ATXN1: variants seen among roughly 807,000 people sequenced by gnomAD.
The protein encoded by ATXN1 is ataxin 1, also known as ataxin-1.
In ATXN1, 8 loss-of-function variants were observed where a neutral mutation model predicts 56.4. The ratio of observed to expected loss-of-function variants is 0.14; its 90% CI spans 0.08 to 0.26. The LOEUF is 0.26. ATXN1 is among the 10% of genes least tolerant of loss of function. ATXN1 has a pLI of 1.00. For missense variants in ATXN1, 987 were observed against 1,106.5 expected (o/e 0.89, Z 1.53); for synonymous variants, 514 against 494.6 (o/e 1.04, Z -0.52).
intron 6 of ATXN1, among the ~76,000 whole-genome samples, chr6:16,412,219 A>C (rs1047380177): frequency 2.6e-5 from 4 of 152,242 alleles, no homozygotes; most frequent in East Asian, 1.9e-4. Context: ...GCATGTTTTT[A>C]GGGATTCAGT....
intron 5 of ATXN1, among the ~76,000 whole-genome samples, chr6:16,495,693 T>A (rs1203275910): frequency 6.6e-5 from 10 of 152,138 alleles, no homozygotes; most frequent in African/African-American, 2.2e-4. Flanking sequence ...TGAAACCCTG[T>A]CTCTACTAAA....
chr6:16,564,035 A>C (rs59536682), intron 4 of ATXN1, among the ~76,000 whole-genome samples: 1,859 of 152,330 alleles, frequency 0.012, 44 homozygotes, highest in African/African-American at 0.042. Context: ...CTTGCTGAGT[A>C]AACAGGATGT....
rs2113373385 is a variant in ATXN1 at position 16,306,613 on chromosome 6, T to A, written c.2164A>T (p.Arg722Trp). The A allele has an allele frequency of 6.2e-7, 1 of 1,614,242 alleles. No individual in the cohort carries two copies. Among genetic ancestry groups the A allele is most frequent in the African/African-American group, 1.3e-5 (1 of 75,064 alleles). ...ATTCCGTTTTCCTGCTCGGCATACC[T>A]GTGTCTGCTGCCCGCCAGGCCGTCG... is the stretch of plus-strand genomic sequence containing the variant. ...KADGLAGSRH[R>W]YAEQENGINQ... The change falls in exon 8 of 8, where the codon AGG (arginine) becomes TGG (tryptophan). Residue 722 changes from arginine (R) to tryptophan (W), a missense_variant. Physicochemically the swap from Arg to Trp is moderately radical, Grantham distance 101. Around this residue, in one of 3 missense-constraint regions of ATXN1, gnomAD observed 196 missense variants for 196.7 expected, o/e 1.00. Transcript: ENST00000436367. This position sits in a 1 kb window ranked among gnomAD's most constrained non-coding sequence, Gnocchi z 5.2.
intron 6 of ATXN1, among the ~76,000 whole-genome samples, chr6:16,337,394 G>A (rs1249160224): frequency 6.6e-6 from 1 of 152,210 alleles, no homozygotes; most frequent in Non-Finnish European, 1.5e-5. Context: ...AGGAGGAGGG[G>A]CGGGGCCACA....
intron 6 of ATXN1, among the ~76,000 whole-genome samples, chr6:16,330,963 A>T (rs1278220086): frequency 6.6e-6 from 1 of 152,124 alleles, no homozygotes; most frequent in Non-Finnish European, 1.5e-5. Flanking sequence ...GAAGAAATGA[A>T]GTGTTGAAGG....
intron 6 of ATXN1, among the ~76,000 whole-genome samples, chr6:16,343,590 T>C (rs1194643024): frequency 6.6e-6 from 1 of 152,134 alleles, no homozygotes; most frequent in East Asian, 1.9e-4. Context: ...GGCAGCAGTA[T>C]CTTAGTGTCA....
chr6:16,420,658 C>A (rs1759013098), intron 6 of ATXN1, among the ~76,000 whole-genome samples: 1 of 152,194 alleles, frequency 6.6e-6, no homozygotes, highest in South Asian at 2.1e-4. Context: ...CAACTCCTTA[C>A]TTTCAAATCT....
intron 3 of ATXN1, among the ~76,000 whole-genome samples, chr6:16,593,874 T>C (rs1226770380): frequency 6.8e-6 from 1 of 147,870 alleles, no homozygotes; most frequent in Non-Finnish European, 1.5e-5. Context: ...TATATATATA[T>C]ATATATAAAG....
chr6:16,315,784 G>A (rs967522172), intron 7 of ATXN1, among the ~76,000 whole-genome samples: 3 of 152,054 alleles, frequency 2.0e-5, no homozygotes, highest in Admixed American at 6.5e-5. Context: ...TGCCTCAGCC[G>A]CCTGAGTAGT....
At chr6:16,582,656 G>C (rs1319621895) in intron 4 of ATXN1, among the ~76,000 whole-genome samples, 2 of 152,166 alleles carry the variant, frequency 1.3e-5, no homozygotes, top group Non-Finnish European at 1.5e-5. Context: ...AAAAACTGCT[G>C]ACCACAGATC....
chr6:16,539,055 C>CT (rs1761661931), intron 4 of ATXN1, among the ~76,000 whole-genome samples: 1 of 152,204 alleles, frequency 6.6e-6, no homozygotes, highest in Non-Finnish European at 1.5e-5. Context: ...CCAACCCACT[C>CT]TAAGTCTGTT....
At chr6:16,574,963 A>G (rs1391305121) in intron 4 of ATXN1, among the ~76,000 whole-genome samples, 1 of 150,390 alleles carries the variant, frequency 6.6e-6, no homozygotes, top group Non-Finnish European at 1.5e-5. Flanking sequence ...GGGGTCAGTT[A>G]TTTTTTCGAA....
At chr6:16,673,667 A>C (rs1006843601) in intron 2 of ATXN1, among the ~76,000 whole-genome samples, 1 of 152,118 alleles carries the variant, frequency 6.6e-6, no homozygotes, top group Non-Finnish European at 1.5e-5. Context: ...TCATTCATTC[A>C]TTCAAGAGAC....
intron 4 of ATXN1, among the ~76,000 whole-genome samples, chr6:16,537,443 G>A (rs1229380998): frequency 4.6e-5 from 7 of 151,704 alleles, no homozygotes; most frequent in Non-Finnish European, 7.4e-5. Context: ...GGTGGCTCAC[G>A]CATGTAATCC....
At chr6:16,692,670 G>T (rs1376543353) in intron 2 of ATXN1, among the ~76,000 whole-genome samples, 1 of 151,600 alleles carries the variant, frequency 6.6e-6, no homozygotes, top group Non-Finnish European at 1.5e-5. Flanking sequence ...AAAAACAATA[G>T]CAACCACTTT....
intron 6 of ATXN1, among the ~76,000 whole-genome samples, chr6:16,363,038 G>A (rs1016916430): frequency 4.6e-5 from 7 of 152,034 alleles, no homozygotes; most frequent in South Asian, 4.2e-4. Flanking sequence ...CCTTTATAAC[G>A]GAATCTTCCC....
intron 2 of ATXN1, among the ~76,000 whole-genome samples, chr6:16,685,499 A>G (rs1306850990): frequency 1.3e-5 from 2 of 152,174 alleles, no homozygotes; most frequent in African/African-American, 4.8e-5. Flanking sequence ...CACCCACACC[A>G]CACGCACACA....
At position 16,537,041 on chromosome 6, in the gene ATXN1, CTT is replaced by C. The variant is rs368470065; in HGVS notation, c.-360-14355_-360-14354del. Reference sequence around the variant, plus strand: ...TACTTGGCCTTAGGAAATGTAAAATCTTTTTTTTTTTTTTGATAAGAGGTTTT... The same window carrying C: ...TACTTGGCCTTAGGAAATGTAAAATCTTTTTTTTTTTTGATAAGAGGTTTT... On this transcript the variant is annotated intron_variant, in intron 4 of 7. Transcript: ENST00000436367. 5.9e-3 allele frequency among the ~76,000 whole-genome samples: 843 copies of C among 143,020 alleles called. 8 individuals carry two copies. The highest frequency in any genetic ancestry group is 0.018 in the African/African-American group (716 of 39,100). The allele number at this position is 143,020 out of a possible 152,430, so 93.8% of individuals were successfully genotyped here. A position where few individuals can be genotyped will look rare whatever the true frequency, so the allele number is the denominator to read the frequency against.
At position 16,306,345 on chromosome 6, in the gene ATXN1, G is replaced by C. The variant is rs1454683369; in HGVS notation, c.2432C>G (p.Ser811Cys). The stretch of plus-strand genomic sequence containing the variant: ...ACGCTGCCTCTACTTGCCTACATTA[G>C]ACCGGCCTTCAATGCAAATCTTAAC... ...QEVKICIEGR[S>C]NVGK Residue 811 changes from serine to cysteine, a missense_variant, in exon 8 of 8, where the codon TCT (serine) becomes TGT (cysteine). Around this residue, in one of 3 missense-constraint regions of ATXN1, gnomAD observed 196 missense variants for 196.7 expected, o/e 1.00. Transcript: ENST00000436367. The surrounding 1 kb of genome is among the most constrained non-coding windows in gnomAD (Gnocchi z 5.2). The C allele has an allele frequency of 6.2e-7, 1 of 1,609,116 alleles. No individual in the cohort carries two copies. Among genetic ancestry groups the C allele is most frequent in the Non-Finnish European group, 8.5e-7 (1 of 1,177,994 alleles).
Sources: gnomAD v4.1 joint callset for allele counts (sites outside exome capture counted in the v4.1 genomes callset) on GRCh38, gnomAD v4.1.1 for gene constraint, gnomAD v4.1.1 regional missense constraint, Gnocchi (gnomAD v3.1) non-coding constraint, MANE v1.5 for transcripts, NCBI Gene and HGNC (gene_info 2026-07-23, HGNC 2026-07-21) for gene names.